The following FABP6 variants were observed in gnomAD, a reference collection of about 807,000 sequenced individuals.
FABP6 encodes the protein fatty acid binding protein 6.
Under a neutral mutation model 14.9 loss-of-function variants are expected in FABP6, and 13 were observed. The observed-to-expected ratio is 0.87, with a 90% CI of 0.57 to 1.39. The LOEUF (loss-of-function observed/expected upper bound fraction) is 1.39, where lower values mean the gene tolerates loss of function less well. Among genes scored for constraint, FABP6 ranks in the 40% most tolerant of loss-of-function variants. The pLI is 0.00. For missense variants in FABP6, 161 were observed against 167.2 expected, an observed-to-expected ratio of 0.96 and a Z score of 0.20; for synonymous variants, 75 against 63.6, an observed-to-expected ratio of 1.18 and a Z score of -0.85.
chr5:160,231,981 G>A, intron 1 of FABP6, 117 bp from the exon 2 acceptor site: 2 of 1,205,868 alleles, frequency 1.7e-6, no homozygotes, highest in Non-Finnish European at 2.3e-6. Context: ...TAACCTGCAG[G>A]CTAGCCTATC....
At chr5:160,194,098 T>A (rs1580895742) in intron 1 of FABP6, among the ~76,000 whole-genome samples, 1 of 152,322 alleles carries the variant, frequency 6.6e-6, no homozygotes, top group East Asian at 1.9e-4. Context: ...GGGCCGGCAC[T>A]GCTGGGGGAC....
intron 3 of FABP6, among the ~76,000 whole-genome samples, chr5:160,220,699 T>C (rs60703561): frequency 0.06 from 9,104 of 152,176 alleles, 539 homozygotes; most frequent in East Asian, 0.36. Context: ...TCGGGTAATG[T>C]TTCTGTGTTC....
At chr5:160,231,264 G>C (rs1311458804) in intron 1 of FABP6, among the ~76,000 whole-genome samples, 1 of 152,174 alleles carries the variant, frequency 6.6e-6, no homozygotes, top group African/African-American at 2.4e-5. Context: ...TTGTGGGATG[G>C]GAAGTGAGCC....
intron 1 of FABP6, among the ~76,000 whole-genome samples, chr5:160,189,355 C>T (rs1759350869): frequency 6.6e-6 from 1 of 152,138 alleles, no homozygotes; most frequent in Admixed American, 6.5e-5. Flanking sequence ...GATTCTCCTG[C>T]CTCAGCCTCC....
intron 1 of FABP6, among the ~76,000 whole-genome samples, chr5:160,193,413 C>T (rs945498590): frequency 2.0e-5 from 3 of 152,084 alleles, no homozygotes; most frequent in Non-Finnish European, 2.9e-5. Flanking sequence ...AAGAACAAGG[C>T]TTCCACAGTG....
At chr5:160,203,949 C>A (rs561028577) in intron 2 of FABP6, among the ~76,000 whole-genome samples, 1 of 152,066 alleles carries the variant, frequency 6.6e-6, no homozygotes, top group African/African-American at 2.4e-5. Flanking sequence ...GATCTGCCCA[C>A]CTTGGCCTCC....
At chr5:160,200,989 A>G (rs533267408) in intron 2 of FABP6, among the ~76,000 whole-genome samples, 2 of 152,326 alleles carry the variant, frequency 1.3e-5, no homozygotes, top group African/African-American at 2.4e-5. Context: ...CAAGAGGGTC[A>G]TATATATACA....
chr5:160,228,326 G>A (rs762438726), upstream of FABP6: 1 of 427,328 alleles, frequency 2.3e-6, no homozygotes, highest in Admixed American at 2.5e-5. Flanking sequence ...GGGAGGCGGA[G>A]GTTGCAGTGA....
intron 3 of FABP6, among the ~76,000 whole-genome samples, chr5:160,218,899 C>CA (rs1480181477): frequency 6.6e-6 from 1 of 152,094 alleles, no homozygotes; most frequent in Non-Finnish European, 1.5e-5. Flanking sequence ...GCTAGGACTA[C>CA]AGGCGCAAGC....
At chr5:160,225,170 C>T (rs1330905893), upstream of FABP6, among the ~76,000 whole-genome samples, 4 of 151,548 alleles carry the variant, frequency 2.6e-5, no homozygotes, top group Non-Finnish European at 2.9e-5. Context: ...GATGTCGGCT[C>T]ACTGCAACAT....
chr5:160,226,766 T>G (rs911805820), upstream of FABP6, among the ~76,000 whole-genome samples: 34 of 152,176 alleles, frequency 2.2e-4, no homozygotes, highest in Non-Finnish European at 3.7e-4. Context: ...GAGCTATTCT[T>G]GCCATTGTTA....
At chr5:160,231,438 G>A (rs939725916) in intron 1 of FABP6, among the ~76,000 whole-genome samples, 2 of 152,234 alleles carry the variant, frequency 1.3e-5, no homozygotes, top group African/African-American at 4.8e-5. Context: ...CTGTAGCCCA[G>A]GCGGAACTGC....
intron 2 of FABP6, among the ~76,000 whole-genome samples, chr5:160,205,549 G>C (rs771860384): frequency 3.3e-5 from 5 of 152,180 alleles, no homozygotes; most frequent in Non-Finnish European, 7.3e-5. Context: ...TGCTCCAGGA[G>C]AGGGACCTTC....
upstream of FABP6, among the ~76,000 whole-genome samples, chr5:160,225,044 T>C (rs554902587): frequency 6.7e-6 from 1 of 150,344 alleles, no homozygotes; most frequent in Non-Finnish European, 1.5e-5. Context: ...CTTTGCAAAG[T>C]GCTGGGATTA....
At chr5:160,226,903 T>G (rs1760258868), upstream of FABP6, among the ~76,000 whole-genome samples, 1 of 152,224 alleles carries the variant, frequency 6.6e-6, no homozygotes, top group East Asian at 1.9e-4. Flanking sequence ...TATACAAATT[T>G]TAAATACTAC....
intron 2 of FABP6, among the ~76,000 whole-genome samples, chr5:160,203,702 TC>T (rs1759696758): frequency 7.1e-6 from 1 of 141,810 alleles, no homozygotes; most frequent in Admixed American, 7.0e-5. Context: ...ATATTATATT[TC>T]TTTTTTTTTT....
At chr5:160,232,010 C>T (rs996509288) in intron 1 of FABP6, 88 bp from the exon 2 acceptor site, 22 of 1,445,332 alleles carry the variant, frequency 1.5e-5, no homozygotes, top group Middle Eastern at 1.8e-4. Context: ...GGGGGTAGGG[C>T]GGTGGGGGTG....
upstream of FABP6, among the ~76,000 whole-genome samples, chr5:160,226,217 G>T (rs1456296541): frequency 6.6e-6 from 1 of 151,930 alleles, no homozygotes; most frequent in Non-Finnish European, 1.5e-5. Context: ...CTTGTATTAG[G>T]GTTATGGGAT....
rs765649761 is a variant in FABP6 at position 160,222,630 on chromosome 5, G to A, written c.136-6916G>A. On this transcript the variant is annotated intron_variant, in intron 3 of 6. Coordinates refer to the FABP6 transcript ENST00000393980. ...ATTACAGGCATGAGCCACCATGCCC[G>A]GCCACAGATTTTCTACTATGAAGAT... Among the ~76,000 whole-genome samples, 80 of 152,068 alleles carry A rather than the reference G, an allele frequency of 5.3e-4. 1 individual carries two copies. Among genetic ancestry groups the A allele is most frequent in the Non-Finnish European group, 1.1e-3 (73 of 68,016 alleles).
Sources: allele counts gnomAD v4.1 joint callset (sites outside exome capture counted in the v4.1 genomes callset), GRCh38; gene constraint gnomAD v4.1.1; transcripts MANE v1.5; gene names NCBI Gene and HGNC (gene_info 2026-07-23, HGNC 2026-07-21).